Variants in HECTD2 observed in about 807,000 individuals in gnomAD.
HECTD2 encodes the protein HECT domain E3 ubiquitin protein ligase 2, also known as probable E3 ubiquitin-protein ligase HECTD2.
In HECTD2, 35 loss-of-function variants were observed where a neutral mutation model predicts 103.2. The observed-to-expected ratio is 0.34, with a 90% CI of 0.26 to 0.45. The LOEUF (loss-of-function observed/expected upper bound fraction) is 0.45, where lower values mean the gene tolerates loss of function less well. Among genes scored for constraint, HECTD2 ranks in the 20% least tolerant of loss-of-function variants. The probability of loss-of-function intolerance (pLI) is 1.00; values close to 1 mark genes in which losing one functional copy is unlikely to be tolerated. For synonymous variants in HECTD2, 281 were observed against 329.9 expected, an observed-to-expected ratio of 0.85 and a Z score of 1.61; for missense variants, 596 against 937.4, an observed-to-expected ratio of 0.64 and a Z score of 4.76.
intron 5 of HECTD2, among the ~76,000 whole-genome samples, chr10:91,467,863 C>T (rs61877880): frequency 0.039 from 5,860 of 152,118 alleles, 150 homozygotes; most frequent in Middle Eastern, 0.065. Flanking sequence ...AAAATGCACA[C>T]GGACACTAGC....
At chr10:91,501,413 G>A in intron 20 of HECTD2, 79 bp downstream of exon 20, 1 of 833,348 alleles carries the variant, frequency 1.2e-6, no homozygotes, top group Non-Finnish European at 1.8e-6. Flanking sequence ...TTGGAATCAG[G>A]ATGTGTACTC....
At chr10:91,500,720 A>G (rs1846867171) in intron 19 of HECTD2, 103 bp downstream of exon 19, 1 of 596,674 alleles carries the variant, frequency 1.7e-6, no homozygotes, top group Non-Finnish European at 3.0e-6. Context: ...CAATTAAGTT[A>G]GTCAAAATAT....
At chr10:91,506,562 A>G (rs1473415666) in intron 20 of HECTD2, among the ~76,000 whole-genome samples, 4 of 152,190 alleles carry the variant, frequency 2.6e-5, no homozygotes, top group Non-Finnish European at 4.4e-5. Flanking sequence ...CACTCTCCCA[A>G]GACTAAACCA....
At chr10:91,431,981 A>T (rs1210906800) in intron 2 of HECTD2, among the ~76,000 whole-genome samples, 1 of 151,912 alleles carries the variant, frequency 6.6e-6, no homozygotes, top group African/African-American at 2.4e-5. Context: ...TAGACCTTTT[A>T]GCAGACTTCC....
At chr10:91,472,892 AAGAATT>A (rs1845776393) in intron 5 of HECTD2, among the ~76,000 whole-genome samples, 4 of 152,174 alleles carry the variant, frequency 2.6e-5, no homozygotes, top group Admixed American at 2.0e-4. Context: ...CTGCTGGAAA[AAGAATT>A]AGTAAACTGG....
chr10:91,473,307 T>C (rs868086029), intron 5 of HECTD2, among the ~76,000 whole-genome samples: 1 of 152,126 alleles, frequency 6.6e-6, no homozygotes, highest in South Asian at 2.1e-4. Context: ...TGAAGTAATA[T>C]TTTCAAAATA....
At chr10:91,499,340 C>T (rs953454671) in intron 18 of HECTD2, among the ~76,000 whole-genome samples, 190 bp downstream of exon 18, 5 of 152,000 alleles carry the variant, frequency 3.3e-5, no homozygotes, top group African/African-American at 9.7e-5. Context: ...AAAAACACCC[C>T]AGTCAGTTCA....
intron 1 of HECTD2, among the ~76,000 whole-genome samples, chr10:91,411,246 G>A (rs986975493): frequency 6.6e-6 from 1 of 152,100 alleles, no homozygotes; most frequent in Admixed American, 6.5e-5. Flanking sequence ...TTTGGAGAGC[G>A]CTGTCAGGCT....
At chr10:91,502,904 ACATATATTAAAT>A (rs1429496411) in intron 20 of HECTD2, among the ~76,000 whole-genome samples, 11 of 152,272 alleles carry the variant, frequency 7.2e-5, no homozygotes, top group Admixed American at 5.9e-4. Context: ...GTGGAATCTC[ACATATATTAAAT>A]AAAGCTGACT....
In HECTD2 at chr10:91,462,475, A is replaced by T. The variant is rs551839980; in HGVS notation, c.600+291A>T. The T allele has an allele frequency of 1.5e-5, 18 of 1,191,252 alleles. No individual in the cohort carries two copies. In the African/African-American group the frequency reaches 2.8e-4, roughly 19 times the overall value. 73.8% of individuals were successfully genotyped at this position (1,191,252 alleles called of 1,614,324 possible). On this transcript the variant is annotated intron_variant, in intron 5 of 20. Transcript: ENST00000298068. ...TAAGTTATTTAATTATATTGGAATT[A>T]CACTGAATCTGTAGATCAGTGGTTC...
intron 1 of HECTD2, among the ~76,000 whole-genome samples, chr10:91,424,842 G>A (rs2133031235): frequency 6.6e-6 from 1 of 152,054 alleles, no homozygotes; most frequent in African/African-American, 2.4e-5. Flanking sequence ...CAAATGAGAG[G>A]ATAGCCTTCA....
In HECTD2 at chr10:91,490,763, C is replaced by A. The variant is rs534254078; in HGVS notation, c.1192-437C>A. The stretch of plus-strand genomic sequence containing the variant: ...AAAATTAGCCGGGCGTGGTGGTGGG[C>A]GCCTGTAGTCCCAGCTACTCGGGAG... On this transcript the variant is annotated intron_variant, in intron 11 of 20. Transcript: ENST00000298068. Among the ~76,000 whole-genome samples the A allele has an allele frequency of 1.9e-4, 29 of 150,592 alleles. 1 individual carries two copies. Among genetic ancestry groups the A allele is most frequent in the African/African-American group, 6.1e-4 (25 of 41,068 alleles).
chr10:91,513,534 T>C lies in HECTD2; in HGVS notation c.*1150T>C, dbSNP rs779728661. 6.6e-6 allele frequency: 1 copy of C among 152,598 alleles called. No individual in the cohort carries two copies. The highest frequency in any genetic ancestry group is 6.5e-5 in the Admixed American group (1 of 15,276). The allele number at this position is 152,598 out of a possible 1,614,324, so 9.5% of individuals were successfully genotyped here. ...TTTTTTAGAGTTTCTAATAAAGTAGTATGTAAAAAGAAACTGCATTTTAAG... is the reference window on the plus strand; with the variant it reads ...TTTTTTAGAGTTTCTAATAAAGTAGCATGTAAAAAGAAACTGCATTTTAAG... On this transcript the variant is annotated 3_prime_UTR_variant, in exon 21 of 21. Transcript: ENST00000298068.
At chr10:91,437,719 T>C (rs991850757) in intron 2 of HECTD2, among the ~76,000 whole-genome samples, 1 of 151,596 alleles carries the variant, frequency 6.6e-6, no homozygotes, top group Non-Finnish European at 1.5e-5. Flanking sequence ...AAAATCAGTT[T>C]TTTATAATAG....
chr10:91,439,975 A>AT, intron 2 of HECTD2, among the ~76,000 whole-genome samples: 1 of 152,222 alleles, frequency 6.6e-6, no homozygotes, highest in African/African-American at 2.4e-5. Flanking sequence ...GCTTAAGGAG[A>AT]TTCTGGGCTG....
In HECTD2 at chr10:91,487,614, G is replaced by C; in HGVS notation, c.1095-68G>C. 1 of 939,390 alleles carries C rather than the reference G, an allele frequency of 1.1e-6. No homozygotes were observed. The highest frequency in any genetic ancestry group is 1.8e-6 in the Non-Finnish European group (1 of 564,794). The allele number at this position is 939,390 out of a possible 1,614,324, so 58.2% of individuals were successfully genotyped here. A position where few individuals can be genotyped will look rare whatever the true frequency, so the allele number is the denominator to read the frequency against. On this transcript the variant is annotated intron_variant, in intron 10 of 20. Coordinates refer to ENST00000298068, the MANE Select transcript of HECTD2 (RefSeq NM_182765.6). This position sits in a 1 kb window ranked among gnomAD's most constrained non-coding sequence, Gnocchi z 4.1. ...TTATATTGCTACAAGGGGTACCTTA[G>C]ATTCCCTTAGTATAATTTTGTTAAA...
At chr10:91,504,035 A>G (rs1847032814) in intron 20 of HECTD2, among the ~76,000 whole-genome samples, 1 of 152,162 alleles carries the variant, frequency 6.6e-6, no homozygotes, top group Non-Finnish European at 1.5e-5. Flanking sequence ...CTCACACTGC[A>G]GGGTACTCCA....
In HECTD2 at chr10:91,514,674, G is replaced by A. The variant is rs1171698526; in HGVS notation, c.*2290G>A. ...CATATTTTTGTCTGTATGATTAGAA[G>A]TTTTTACGTCCTTCCTTTTTTGTAC... On this transcript the variant is annotated 3_prime_UTR_variant, in exon 21 of 21. Transcript: ENST00000298068. The A allele has an allele frequency of 2.6e-5, 4 of 152,606 alleles. No individual in the cohort carries two copies. In the East Asian group the frequency reaches 5.8e-4, roughly 22 times the overall value. 9.5% of individuals were successfully genotyped at this position (152,606 alleles called of 1,614,324 possible). A position where few individuals can be genotyped will look rare whatever the true frequency, so the allele number is the denominator to read the frequency against.
chr10:91,482,025 A>T (rs901415338), intron 7 of HECTD2, among the ~76,000 whole-genome samples: 2 of 151,786 alleles, frequency 1.3e-5, no homozygotes, highest in Non-Finnish European at 3.0e-5. Context: ...GAGAAGTAAG[A>T]GGAGAAAGAG....
Sources: gnomAD v4.1 joint callset for allele counts (sites outside exome capture counted in the v4.1 genomes callset) on GRCh38, gnomAD v4.1.1 for gene constraint, Gnocchi (gnomAD v3.1) non-coding constraint, MANE v1.5 for transcripts, NCBI Gene and HGNC (gene_info 2026-07-23, HGNC 2026-07-21) for gene names.